SYT17: variants seen among roughly 807,000 people sequenced by gnomAD.
SYT17 encodes the protein synaptotagmin-17.
A neutral mutation model predicts 46.7 loss-of-function variants in SYT17; 22 were observed. The ratio of observed to expected loss-of-function variants is 0.47; its 90% CI spans 0.34 to 0.67. The LOEUF (loss-of-function observed/expected upper bound fraction) is 0.67. SYT17 is among the 30% of genes least tolerant of loss of function. SYT17 has a pLI of 0.01. For synonymous variants in SYT17, 251 were observed against 248.4 expected (o/e 1.01, Z -0.10); for missense variants, 519 against 612.8 (o/e 0.85, Z 1.62).
At chr16:19,245,156 C>T (rs987211048) in intron 7 of SYT17, among the ~76,000 whole-genome samples, 76 of 152,270 alleles carry the variant, frequency 5.0e-4, no homozygotes, top group Non-Finnish European at 1.5e-4. Flanking sequence ...CTGGAGAGCC[C>T]GGGTCACCTG....
intron 5 of SYT17, among the ~76,000 whole-genome samples, chr16:19,206,822 G>T (rs229015): frequency 1.3e-5 from 2 of 152,000 alleles, no homozygotes; most frequent in African/African-American, 4.8e-5. Flanking sequence ...ACTCCTGTAC[G>T]ACCTCATCTT....
intron 7 of SYT17, among the ~76,000 whole-genome samples, chr16:19,227,799 C>A (rs62027733): frequency 0.067 from 10,189 of 152,238 alleles, 393 homozygotes; most frequent in Non-Finnish European, 0.085. Flanking sequence ...TAAACACCTT[C>A]TGTGCCAGGC....
At chr16:19,256,556 C>CTATTATTATTAT (rs66644033) in intron 7 of SYT17, among the ~76,000 whole-genome samples, 41 of 145,012 alleles carry the variant, frequency 2.8e-4, no homozygotes, top group African/African-American at 1.0e-3. Context: ...ATGGGTGAGT[C>CTATTATTATTAT]TATTATTATT....
At chr16:19,222,966 T>A (rs1966377198) in intron 5 of SYT17, 79 bp from the exon 6 acceptor site, 11 of 1,582,978 alleles carry the variant, frequency 6.9e-6, no homozygotes, top group Non-Finnish European at 9.5e-6. Context: ...TGTGAGCTGC[T>A]GCAATCAATT....
At position 19,205,944 on chromosome 16, in the gene SYT17, G is replaced by A. The variant is rs1375936171; in HGVS notation, c.952-17101G>A. On this transcript the variant is annotated intron_variant, in intron 5 of 7. Transcript: ENST00000355377. ...TCCAAAAGGAGGGGGATTTTTTTCT[G>A]TCTTGTTCCCTAGTGGTACATAATA... Among the ~76,000 whole-genome samples the A allele has an allele frequency of 2.6e-5, 4 of 151,740 alleles. No individual in the cohort carries two copies. In the South Asian group the frequency reaches 6.2e-4, roughly 24 times the overall value.
At chr16:19,254,546 A>T (rs1417646654) in intron 7 of SYT17, among the ~76,000 whole-genome samples, 1 of 152,182 alleles carries the variant, frequency 6.6e-6, no homozygotes, top group Non-Finnish European at 1.5e-5. Context: ...ATAACATTCT[A>T]ATGATATCAC....
At chr16:19,226,576 A>G (rs1966504440) in intron 7 of SYT17, among the ~76,000 whole-genome samples, 1 of 152,180 alleles carries the variant, frequency 6.6e-6, no homozygotes, top group Non-Finnish European at 1.5e-5. Context: ...ATGCAGATAT[A>G]ATGATCCCTT....
chr16:19,210,784 AG>A (rs1471678751), intron 5 of SYT17, among the ~76,000 whole-genome samples: 27 of 152,312 alleles, frequency 1.8e-4, no homozygotes, highest in Non-Finnish European at 2.5e-4. Flanking sequence ...CAAAGGCATA[AG>A]GGGGCGCAGA....
intron 5 of SYT17, among the ~76,000 whole-genome samples, chr16:19,186,846 TTGAGGTCC>T (rs752666788): frequency 2.2e-4 from 33 of 152,200 alleles, no homozygotes; most frequent in Non-Finnish European, 3.8e-4. Flanking sequence ...TCTGTTTCTC[TTGAGGTCC>T]TATTATGTGC....
At chr16:19,258,505 G>C (rs1968737644) in intron 7 of SYT17, among the ~76,000 whole-genome samples, 1 of 152,078 alleles carries the variant, frequency 6.6e-6, no homozygotes, top group Non-Finnish European at 1.5e-5. Flanking sequence ...AGCCAGGCAT[G>C]GTGGTGCATA....
At chr16:19,238,085 G>T (rs751040245) in intron 7 of SYT17, among the ~76,000 whole-genome samples, 7 of 152,204 alleles carry the variant, frequency 4.6e-5, no homozygotes, top group Non-Finnish European at 1.0e-4. Flanking sequence ...TGTGTTAATG[G>T]CAGATTGGAC....
At chr16:19,177,059 T>C (rs776120724) in intron 3 of SYT17, among the ~76,000 whole-genome samples, 2 of 152,028 alleles carry the variant, frequency 1.3e-5, no homozygotes, top group Non-Finnish European at 2.9e-5. Flanking sequence ...AAATGTTGAG[T>C]GTTACAGATG....
intron 7 of SYT17, among the ~76,000 whole-genome samples, chr16:19,256,739 C>T (rs1968602953): frequency 6.6e-6 from 1 of 151,968 alleles, no homozygotes; most frequent in Non-Finnish European, 1.5e-5. Context: ...CCAACATGCC[C>T]AGCTACTTTT....
chr16:19,195,379 T>A (rs375979478), intron 5 of SYT17, among the ~76,000 whole-genome samples: 173 of 150,148 alleles, frequency 1.2e-3, no homozygotes, highest in African/African-American at 3.9e-3. Flanking sequence ...TTTTTAAAAA[T>A]CAAAACAAAA....
chr16:19,167,866 A>T (rs1963931830), upstream of SYT17: 1 of 152,200 alleles, frequency 6.6e-6, no homozygotes, highest in South Asian at 2.1e-4. Context: ...GTTTAGGGTA[A>T]AGGGGCGCTC....
intron 7 of SYT17, among the ~76,000 whole-genome samples, chr16:19,239,615 C>T (rs1402975209): frequency 6.6e-6 from 1 of 152,174 alleles, no homozygotes; most frequent in Non-Finnish European, 1.5e-5. Context: ...GGCACTGCTC[C>T]AAGTATTTCA....
chr16:19,262,796 A>G (rs1427709139), intron 7 of SYT17, among the ~76,000 whole-genome samples: 1 of 152,206 alleles, frequency 6.6e-6, no homozygotes, highest in Admixed American at 6.6e-5. Flanking sequence ...GGTCCTCACC[A>G]TAAATCACAG....
chr16:19,233,560 G>A (rs1008093886), intron 7 of SYT17, among the ~76,000 whole-genome samples: 1 of 152,020 alleles, frequency 6.6e-6, no homozygotes, highest in African/African-American at 2.4e-5. Flanking sequence ...GGAGGCTGAG[G>A]TGGGAGGATC....
intron 7 of SYT17, among the ~76,000 whole-genome samples, chr16:19,237,492 T>C (rs1397495082): frequency 6.6e-6 from 1 of 152,212 alleles, no homozygotes; most frequent in Non-Finnish European, 1.5e-5. Context: ...TGGCAACACC[T>C]GGAAGTTACC....
Sources: gnomAD v4.1 joint callset for allele counts (sites outside exome capture counted in the v4.1 genomes callset) on GRCh38, gnomAD v4.1.1 for gene constraint, MANE v1.5 for transcripts, NCBI Gene and HGNC (gene_info 2026-07-23, HGNC 2026-07-21) for gene names.